The following ARHGAP42 variants were observed in gnomAD, a reference collection of about 807,000 sequenced individuals.
ARHGAP42 encodes the protein Rho GTPase activating protein 42, also known as rho GTPase-activating protein 42.
A neutral mutation model predicts 125.0 loss-of-function variants in ARHGAP42; 63 were observed. The observed-to-expected ratio is 0.50, with a 90% CI of 0.41 to 0.62. The LOEUF (loss-of-function observed/expected upper bound fraction) is 0.62, where lower values mean the gene tolerates loss of function less well. Among genes scored for constraint, ARHGAP42 ranks in the 20% least tolerant of loss-of-function variants. ARHGAP42 has a pLI of 0.00. For synonymous variants in ARHGAP42, 339 were observed against 351.0 expected (o/e 0.97, Z 0.38); for missense variants, 766 against 1,024.2 (o/e 0.75, Z 3.44).
In ARHGAP42 at chr11:100,993,327, C is replaced by CATATAT. The variant is rs139717161; in HGVS notation, c.*4534_*4539dup. The CATATAT allele has an allele frequency of 6.5e-3, 1,078 of 166,102 alleles. 60 individuals carry two copies. In the East Asian group the frequency reaches 0.14, roughly 22 times the overall value. The allele number at this position is 166,102 out of a possible 1,614,324, so 10.3% of individuals were successfully genotyped here. ...TTTAATCTCTATATGGCAGCATATA[C>CATATAT]ATATATATATATAAAATGCACACTT... On this transcript the variant is annotated 3_prime_UTR_variant, in exon 24 of 24. Coordinates refer to ENST00000298815, the MANE Select transcript of ARHGAP42 (RefSeq NM_152432.4).
At chr11:100,827,121 G>C (rs1228273) in intron 3 of ARHGAP42, among the ~76,000 whole-genome samples, 4 of 148,730 alleles carry the variant, frequency 2.7e-5, no homozygotes, top group Non-Finnish European at 5.9e-5. Flanking sequence ...CTTCTGCCTC[G>C]GCCTCCCGAG....
intron 11 of ARHGAP42, 106 bp from the exon 12 acceptor site, chr11:100,949,811 A>T (rs1186142002): frequency 1.5e-6 from 1 of 676,492 alleles, no homozygotes; most frequent in Non-Finnish European, 2.3e-6. Flanking sequence ...TAGGACCTTG[A>T]AATCAAGACA....
chr11:100,988,922 A>G lies in ARHGAP42; in HGVS notation c.*121A>G. On this transcript the variant is annotated 3_prime_UTR_variant, in exon 24 of 24. Transcript: ENST00000298815. ...AAGTGAAAACAGTCAATTTCTATCA[A>G]GTTCTTCACCAGCAGACTATGTAGC... is the stretch of plus-strand genomic sequence containing the variant. 1.6e-6 allele frequency: 1 copy of G among 644,824 alleles called. No homozygotes were observed. Among genetic ancestry groups the G allele is most frequent in the Non-Finnish European group, 2.6e-6 (1 of 384,186 alleles). The allele number at this position is 644,824 out of a possible 1,614,324, so 39.9% of individuals were successfully genotyped here. A position where few individuals can be genotyped will look rare whatever the true frequency, so the allele number is the denominator to read the frequency against.
chr11:100,874,617 T>C (rs1021219202), intron 4 of ARHGAP42, among the ~76,000 whole-genome samples: 2 of 152,218 alleles, frequency 1.3e-5, no homozygotes, highest in African/African-American at 4.8e-5. Flanking sequence ...TGAGCCTCTT[T>C]GTTGGTCCTC....
At position 100,908,418 on chromosome 11, in the gene ARHGAP42, C is replaced by T. The variant is rs1479681001; in HGVS notation, c.385-5034C>T. Among the ~76,000 whole-genome samples, 11 of 152,160 alleles carry T rather than the reference C, an allele frequency of 7.2e-5. 1 individual carries two copies. In the South Asian group the frequency reaches 1.7e-3, roughly 23 times the overall value. ...ACCTGCCTCCCACTGTTTGGAGTCT[C>T]CAGTGTCTATTACTCCACTCTGTAT... On this transcript the variant is annotated intron_variant, in intron 4 of 23. Coordinates refer to ENST00000298815, the MANE Select transcript of ARHGAP42 (RefSeq NM_152432.4).
intron 6 of ARHGAP42, among the ~76,000 whole-genome samples, chr11:100,921,888 A>C (rs1461972689): frequency 6.6e-6 from 1 of 152,018 alleles, no homozygotes; most frequent in Non-Finnish European, 1.5e-5. Flanking sequence ...GATTCAGTTA[A>C]TATTAATGTA....
At chr11:100,915,463 C>T (rs957912731) in intron 5 of ARHGAP42, among the ~76,000 whole-genome samples, 4 of 151,990 alleles carry the variant, frequency 2.6e-5, no homozygotes, top group Non-Finnish European at 4.4e-5. Context: ...TCTTAGAGGC[C>T]CTAAAGAACT....
intron 17 of ARHGAP42, among the ~76,000 whole-genome samples, chr11:100,969,229 A>G: frequency 6.6e-6 from 1 of 151,894 alleles, no homozygotes; most frequent in Admixed American, 6.6e-5. Flanking sequence ...AAATAAGCTT[A>G]TTGGGGTTCC....
At chr11:100,749,412 AC>A (rs1315193915) in intron 1 of ARHGAP42, among the ~76,000 whole-genome samples, 1 of 126,542 alleles carries the variant, frequency 7.9e-6, no homozygotes, top group Non-Finnish European at 1.6e-5. Context: ...GGAAGACTAA[AC>A]CCTCAAACCA....
intron 10 of ARHGAP42, among the ~76,000 whole-genome samples, chr11:100,947,734 T>C (rs1489339109): frequency 6.6e-6 from 1 of 151,926 alleles, no homozygotes; most frequent in East Asian, 1.9e-4. Context: ...AATTATAAAA[T>C]ATTTATAATA....
chr11:100,744,557 T>C (rs4480510), intron 1 of ARHGAP42, among the ~76,000 whole-genome samples: 17 of 150,546 alleles, frequency 1.1e-4, no homozygotes, highest in East Asian at 2.0e-4. Flanking sequence ...TGTGTGTGTG[T>C]GTGTGTGCGT....
At chr11:100,882,602 G>C (rs1326222226) in intron 4 of ARHGAP42, among the ~76,000 whole-genome samples, 1 of 151,710 alleles carries the variant, frequency 6.6e-6, no homozygotes, top group Non-Finnish European at 1.5e-5. Flanking sequence ...TATTAGGGTG[G>C]TACTGGCCTC....
chr11:100,964,209 G>A (rs1858032616), intron 16 of ARHGAP42, among the ~76,000 whole-genome samples: 1 of 152,118 alleles, frequency 6.6e-6, no homozygotes, highest in African/African-American at 2.4e-5. Context: ...TTCCTTGGCA[G>A]AACAGAGGTC....
chr11:100,833,486 T>C (rs1156304810), intron 3 of ARHGAP42, among the ~76,000 whole-genome samples: 1 of 152,190 alleles, frequency 6.6e-6, no homozygotes, highest in African/African-American at 2.4e-5. Flanking sequence ...GTGTGTCAGC[T>C]GGAGTGGCTT....
chr11:100,803,443 G>C (rs1863913348), intron 3 of ARHGAP42, among the ~76,000 whole-genome samples: 1 of 152,166 alleles, frequency 6.6e-6, no homozygotes, highest in Admixed American at 6.5e-5. Context: ...GAGCTCTGAG[G>C]TTCATCGAGT....
intron 3 of ARHGAP42, among the ~76,000 whole-genome samples, chr11:100,845,731 G>A (rs1469778595): frequency 6.6e-6 from 1 of 152,050 alleles, no homozygotes; most frequent in Non-Finnish European, 1.5e-5. Context: ...TCTTGCCCTC[G>A]TTTTCACCTT....
At chr11:100,749,923 T>A (rs1862405789) in intron 1 of ARHGAP42, among the ~76,000 whole-genome samples, 5 of 152,172 alleles carry the variant, frequency 3.3e-5, no homozygotes, top group Admixed American at 3.3e-4. Context: ...CCATAGTATG[T>A]GAGGATCCTT....
chr11:100,846,320 A>G (rs1865064079), intron 3 of ARHGAP42, among the ~76,000 whole-genome samples: 1 of 152,156 alleles, frequency 6.6e-6, no homozygotes, highest in African/African-American at 2.4e-5. Context: ...TCGTCAGAAC[A>G]CCTCACACTC....
chr11:100,759,695 G>C (rs559880420), intron 1 of ARHGAP42, among the ~76,000 whole-genome samples: 2 of 152,296 alleles, frequency 1.3e-5, no homozygotes, highest in East Asian at 3.9e-4. Context: ...GAGGGGAAAA[G>C]TACCCTCTCG....
Sources: allele counts gnomAD v4.1 joint callset (sites outside exome capture counted in the v4.1 genomes callset), GRCh38; gene constraint gnomAD v4.1.1; transcripts MANE v1.5; gene names NCBI Gene and HGNC (gene_info 2026-07-23, HGNC 2026-07-21).